Variants in TTC29 observed in about 807,000 individuals in gnomAD.
The protein encoded by TTC29 is tetratricopeptide repeat domain 29.
TTC29 carries 49 observed loss-of-function variants against 58.1 expected under a neutral mutation model. The observed-to-expected ratio is 0.84, with a 90% confidence interval of 0.67 to 1.07. TTC29 has a LOEUF of 1.07. Ranked by LOEUF, TTC29 falls within the 50% of genes least tolerant of loss-of-function variation. The pLI is 0.00. For synonymous variants in TTC29, 209 were observed against 196.8 expected (o/e 1.06, Z -0.52); for missense variants, 582 against 555.6 (o/e 1.05, Z -0.48).
At chr4:146,818,518 C>T (rs1751583675) in intron 10 of TTC29, among the ~76,000 whole-genome samples, 1 of 152,204 alleles carries the variant, frequency 6.6e-6, no homozygotes. Flanking sequence ...TTGTGGAAGT[C>T]AGTGTGGCAA....
chr4:146,717,297 G>A (rs1743006202), intron 11 of TTC29, among the ~76,000 whole-genome samples: 1 of 152,114 alleles, frequency 6.6e-6, no homozygotes, highest in Non-Finnish European at 1.5e-5. Flanking sequence ...GTAGTATTTT[G>A]AGATGGAGTC....
At chr4:146,779,103 T>C (rs1748372802) in intron 11 of TTC29, among the ~76,000 whole-genome samples, 1 of 151,344 alleles carries the variant, frequency 6.6e-6, no homozygotes, top group Non-Finnish European at 1.5e-5. Context: ...GTATACTTGG[T>C]CCCAATGTAG....
intron 11 of TTC29, among the ~76,000 whole-genome samples, chr4:146,712,680 G>A (rs1742596771): frequency 6.6e-6 from 1 of 152,104 alleles, no homozygotes; most frequent in Non-Finnish European, 1.5e-5. Context: ...ATGCAACTGG[G>A]ATTTTGAAGA....
chr4:146,869,461 T>C (rs1730788731), intron 7 of TTC29, among the ~76,000 whole-genome samples: 1 of 152,192 alleles, frequency 6.6e-6, no homozygotes, highest in African/African-American at 2.4e-5. Context: ...CTTTAATTCT[T>C]AAAATTCAGC....
At chr4:146,785,441 T>A (rs1285194035) in intron 11 of TTC29, among the ~76,000 whole-genome samples, 3 of 152,200 alleles carry the variant, frequency 2.0e-5, no homozygotes, top group Non-Finnish European at 4.4e-5. Flanking sequence ...GATGAATAAG[T>A]GAAATATTTC....
chr4:146,895,126 C>G (rs1393182170), intron 6 of TTC29, among the ~76,000 whole-genome samples: 1 of 152,182 alleles, frequency 6.6e-6, no homozygotes, highest in Non-Finnish European at 1.5e-5. Flanking sequence ...ACTTCCAACT[C>G]TATCTATGTC....
rs1022236749 is a variant in TTC29 at position 146,879,870 on chromosome 4, A to G, written c.587-4942T>C. 5.7e-4 allele frequency among the ~76,000 whole-genome samples: 86 copies of G among 152,200 alleles called. 5 individuals carry two copies. Among genetic ancestry groups the G allele is most frequent in the Non-Finnish European group, 7.3e-5 (5 of 68,028 alleles). Reference sequence around the variant, plus strand: ...CAGGACAAAAAAAGAAGGCCTGGGGACTATTCACAGGTATTAAAGTCTTTG... The same window carrying G: ...CAGGACAAAAAAAGAAGGCCTGGGGGCTATTCACAGGTATTAAAGTCTTTG... On this transcript the variant is annotated intron_variant, in intron 6 of 12. Coordinates refer to ENST00000325106, the MANE Select transcript of TTC29 (RefSeq NM_031956.4).
At chr4:146,940,055 G>A (rs191902162) in intron 2 of TTC29, among the ~76,000 whole-genome samples, 154 bp from the exon 3 acceptor site, 40 of 152,190 alleles carry the variant, frequency 2.6e-4, no homozygotes, top group Non-Finnish European at 5.4e-4. Flanking sequence ...TGCTCAGTGA[G>A]TGGATTCTGC....
intron 6 of TTC29, among the ~76,000 whole-genome samples, chr4:146,886,201 C>G (rs1018536864): frequency 6.6e-6 from 1 of 152,082 alleles, no homozygotes. Flanking sequence ...CCAACCCATT[C>G]TCTTCACCAG....
intron 5 of TTC29, among the ~76,000 whole-genome samples, chr4:146,908,718 T>A (rs989891870): frequency 6.6e-6 from 1 of 152,160 alleles, no homozygotes; most frequent in Non-Finnish European, 1.5e-5. Flanking sequence ...ACAGAAAAAC[T>A]GTAGAAAGGT....
At chr4:146,758,765 T>C (rs1276640858) in intron 11 of TTC29, among the ~76,000 whole-genome samples, 1 of 152,044 alleles carries the variant, frequency 6.6e-6, no homozygotes, top group Non-Finnish European at 1.5e-5. Flanking sequence ...GAAATGAAGA[T>C]GGAAATTAAA....
At chr4:146,915,895 A>T (rs1734190496) in intron 4 of TTC29, among the ~76,000 whole-genome samples, 1 of 151,976 alleles carries the variant, frequency 6.6e-6, no homozygotes, top group Non-Finnish European at 1.5e-5. Flanking sequence ...TTTTCATTTA[A>T]TCTGACAAAG....
In TTC29 at chr4:146,853,790, C is replaced by T. The variant is rs376603535; in HGVS notation, c.885+13708G>A. On this transcript the variant is annotated intron_variant, in intron 8 of 12. Transcript: ENST00000325106. ...TTACTTCTTTATCTTATTTAACTGC[C>T]GCAGCAACTTTATCATTCCTATTTT... Among the ~76,000 whole-genome samples, 12 of 152,184 alleles carry T rather than the reference C, an allele frequency of 7.9e-5. 1 individual carries two copies. The East Asian group carries it at 9.7e-4, about 12-fold the overall frequency.
intron 4 of TTC29, among the ~76,000 whole-genome samples, chr4:146,923,619 G>GAGACGCCGC (rs1179938855): frequency 4.6e-5 from 7 of 151,834 alleles, no homozygotes; most frequent in Admixed American, 4.6e-4. Flanking sequence ...GGAATGTGAA[G>GAGACGCCGC]AGACGCCGCT....
chr4:146,924,989 T>C (rs1734830513), intron 4 of TTC29, among the ~76,000 whole-genome samples: 1 of 152,046 alleles, frequency 6.6e-6, no homozygotes, highest in Non-Finnish European at 1.5e-5. Flanking sequence ...AGAAGTATGT[T>C]GTCTTGCTTC....
At chr4:146,723,817 G>A (rs76854904) in intron 11 of TTC29, among the ~76,000 whole-genome samples, 17,635 of 152,208 alleles carry the variant, frequency 0.12, 1,060 homozygotes, top group African/African-American at 0.14. Flanking sequence ...AAAGCAGTTT[G>A]GAGATTCCTC....
intron 8 of TTC29, among the ~76,000 whole-genome samples, chr4:146,845,626 C>A (rs1411235445): frequency 6.6e-6 from 1 of 152,152 alleles, no homozygotes; most frequent in African/African-American, 2.4e-5. Flanking sequence ...TTTGCCAATG[C>A]AGAAATGTCA....
At chr4:146,790,175 A>C (rs1345441957) in intron 11 of TTC29, among the ~76,000 whole-genome samples, 2 of 150,668 alleles carry the variant, frequency 1.3e-5, no homozygotes, top group Admixed American at 6.6e-5. Flanking sequence ...TCCAAACCCA[A>C]TCACTTTCTT....
chr4:146,931,592 T>C (rs1341288681), intron 4 of TTC29, among the ~76,000 whole-genome samples: 1 of 152,194 alleles, frequency 6.6e-6, no homozygotes, highest in Non-Finnish European at 1.5e-5. Context: ...AAGCCAAGTT[T>C]TCAACCACAG....
Sources: gnomAD v4.1 joint callset for allele counts (sites outside exome capture counted in the v4.1 genomes callset) on GRCh38, gnomAD v4.1.1 for gene constraint, MANE v1.5 for transcripts, NCBI Gene and HGNC (gene_info 2026-07-23, HGNC 2026-07-21) for gene names.